UVRAG: variants seen among roughly 807,000 people sequenced by gnomAD.
UVRAG encodes UV radiation resistance-associated gene protein.
Under a neutral mutation model 78.0 loss-of-function variants are expected in UVRAG, and 19 were observed. That is an observed-to-expected ratio of 0.24 (90% CI 0.17 to 0.36). UVRAG has a LOEUF of 0.36. UVRAG is among the 10% of genes least tolerant of loss of function. The pLI is 1.00. For missense variants in UVRAG, 740 were observed against 853.8 expected (o/e 0.87, Z 1.66); for synonymous variants, 323 against 324.6 (o/e 1.00, Z 0.05).
chr11:76,122,207 G>A (rs924133721), intron 14 of UVRAG, among the ~76,000 whole-genome samples: 15 of 152,198 alleles, frequency 9.9e-5, no homozygotes, highest in African/African-American at 2.2e-4. Flanking sequence ...TTTAGTTCCC[G>A]GTGTGAGGGG....
At chr11:75,914,555 C>T (rs189110119) in intron 6 of UVRAG, 1 of 152,314 alleles carries the variant, frequency 6.6e-6, no homozygotes, top group East Asian at 1.9e-4. Flanking sequence ...GTGCAGCGGC[C>T]CGACCTTGGC....
chr11:75,817,634 T>C (rs1945287144), intron 1 of UVRAG, among the ~76,000 whole-genome samples: 1 of 152,182 alleles, frequency 6.6e-6, no homozygotes, highest in South Asian at 2.1e-4. Context: ...ATAAATAATA[T>C]CAATAAAATT....
intron 13 of UVRAG, among the ~76,000 whole-genome samples, chr11:76,088,397 C>G (rs575756074): frequency 6.6e-6 from 1 of 152,112 alleles, no homozygotes; most frequent in Non-Finnish European, 1.5e-5. Flanking sequence ...TTATGTCCAC[C>G]CCTGCTTAAA....
intron 12 of UVRAG, among the ~76,000 whole-genome samples, chr11:76,042,549 T>C (rs2134333163): frequency 6.6e-6 from 1 of 152,284 alleles, no homozygotes; most frequent in East Asian, 1.9e-4. Context: ...TGAACTACAA[T>C]TGGCTTTTTA....
chr11:76,050,002 A>G (rs1950831232), intron 12 of UVRAG, among the ~76,000 whole-genome samples: 2 of 152,240 alleles, frequency 1.3e-5, no homozygotes, highest in South Asian at 2.1e-4. Context: ...CTAGGATTGT[A>G]TAGATAAAGT....
intron 9 of UVRAG, among the ~76,000 whole-genome samples, chr11:76,005,987 A>AGAGTTTGTATAGGTCTC (rs61379133): frequency 0.12 from 18,128 of 152,116 alleles, 2,674 homozygotes; most frequent in African/African-American, 0.35. Context: ...TTGTTGTGCA[A>AGAGTTTGTATAGGTCTC]GATCTCCAGC....
At chr11:75,891,363 A>G (rs1204189619) in intron 5 of UVRAG, among the ~76,000 whole-genome samples, 1 of 152,210 alleles carries the variant, frequency 6.6e-6, no homozygotes, top group Non-Finnish European at 1.5e-5. Flanking sequence ...GTACAGGGTT[A>G]GCTGTTCTAA....
intron 1 of UVRAG, among the ~76,000 whole-genome samples, chr11:75,839,849 A>C (rs1470450810): frequency 7.0e-6 from 1 of 142,136 alleles, no homozygotes; most frequent in African/African-American, 2.9e-5. Context: ...ACACACCCCC[A>C]CACATATATA....
intron 5 of UVRAG, among the ~76,000 whole-genome samples, chr11:75,900,556 T>C (rs1947470870): frequency 6.6e-6 from 1 of 152,320 alleles, no homozygotes; most frequent in East Asian, 1.9e-4. Flanking sequence ...AGACTTTGCT[T>C]ACTGAATATT....
At chr11:75,973,080 G>A (rs914267077) in intron 7 of UVRAG, among the ~76,000 whole-genome samples, 6 of 152,150 alleles carry the variant, frequency 3.9e-5, no homozygotes, top group Non-Finnish European at 7.4e-5. Context: ...TAACTATGGT[G>A]AATAGGAGCG....
intron 13 of UVRAG, among the ~76,000 whole-genome samples, chr11:76,112,720 TTTTTC>T (rs200496383): frequency 0.018 from 2,677 of 148,840 alleles, 81 homozygotes; most frequent in African/African-American, 0.065. Flanking sequence ...TTCTATTTCT[TTTTTC>T]TTTTCTTTTT....
intron 6 of UVRAG, among the ~76,000 whole-genome samples, chr11:75,948,488 A>G (rs115474477): frequency 0.018 from 2,696 of 152,290 alleles, 74 homozygotes; most frequent in African/African-American, 0.061. Flanking sequence ...GGCAGCACTA[A>G]TATAATGTGA....
intron 6 of UVRAG, among the ~76,000 whole-genome samples, chr11:75,937,536 G>A (rs959203812): frequency 7.9e-5 from 12 of 152,034 alleles, no homozygotes; most frequent in African/African-American, 2.9e-4. Context: ...TCTAGGTTAC[G>A]GGTTTTTTAT....
At position 75,876,033 on chromosome 11, in the gene UVRAG, G is replaced by T. The variant is rs551961993; in HGVS notation, c.271-3846G>T. Among the ~76,000 whole-genome samples, 4 of 152,126 alleles carry T rather than the reference G, an allele frequency of 2.6e-5. No individual in the cohort carries two copies. The East Asian group carries it at 7.7e-4, about 29-fold the overall frequency. ...TACCCCAAAAAGAAAAAAAGAAAAA[G>T]AATGTGAAAACCAAAGCCCCGGCTT... On this transcript the variant is annotated intron_variant, in intron 3 of 14. Coordinates refer to ENST00000356136, the MANE Select transcript of UVRAG (RefSeq NM_003369.4).
At chr11:75,998,633 T>C (rs1299501634) in intron 8 of UVRAG, among the ~76,000 whole-genome samples, 1 of 151,786 alleles carries the variant, frequency 6.6e-6, no homozygotes, top group Admixed American at 6.6e-5. Context: ...CAAGGAGAGG[T>C]AGGATGTGAG....
intron 11 of UVRAG, among the ~76,000 whole-genome samples, chr11:76,013,422 A>G (rs1418802052): frequency 6.6e-6 from 1 of 151,962 alleles, no homozygotes; most frequent in Non-Finnish European, 1.5e-5. Flanking sequence ...TGGACCGTCC[A>G]CTCCTGCTCC....
intron 1 of UVRAG, among the ~76,000 whole-genome samples, chr11:75,836,642 C>T (rs1945782432): frequency 6.6e-6 from 1 of 152,180 alleles, no homozygotes; most frequent in African/African-American, 2.4e-5. Flanking sequence ...GTTCATACCA[C>T]GAAAAAGCAG....
At chr11:75,968,311 T>C (rs1949063830) in intron 7 of UVRAG, among the ~76,000 whole-genome samples, 1 of 152,182 alleles carries the variant, frequency 6.6e-6, no homozygotes. Context: ...TAATTAAATG[T>C]AATCTATTGG....
chr11:75,856,372 G>A (rs12575744), intron 2 of UVRAG, among the ~76,000 whole-genome samples: 12 of 152,168 alleles, frequency 7.9e-5, no homozygotes, highest in Admixed American at 6.5e-4. Context: ...CTGGAATACC[G>A]ACTGTCTTGA....
Sources: allele counts gnomAD v4.1 joint callset (sites outside exome capture counted in the v4.1 genomes callset), GRCh38; gene constraint gnomAD v4.1.1; transcripts MANE v1.5; gene names NCBI Gene and HGNC (gene_info 2026-07-23, HGNC 2026-07-21).